The following CTBP2 variants were observed in gnomAD, a reference collection of about 807,000 sequenced individuals.
CTBP2 encodes the protein C-terminal-binding protein 2.
In CTBP2, 30 loss-of-function variants were observed where a neutral mutation model predicts 80.3. That is an observed-to-expected ratio of 0.37 (90% confidence interval 0.28 to 0.51). The LOEUF is 0.51. Ranked by LOEUF, CTBP2 falls within the 20% of genes least tolerant of loss-of-function variation. The probability of loss-of-function intolerance (pLI) is 0.93; values close to 1 mark genes in which losing one functional copy is unlikely to be tolerated. For missense variants in CTBP2, 1,212 were observed against 1,375.3 expected, an observed-to-expected ratio of 0.88 and a Z score of 1.88; for synonymous variants, 594 against 587.4, an observed-to-expected ratio of 1.01 and a Z score of -0.16.
At chr10:125,011,021 T>TTC (rs1327531221) in intron 1 of CTBP2, among the ~76,000 whole-genome samples, 12 of 152,208 alleles carry the variant, frequency 7.9e-5, no homozygotes, top group African/African-American at 2.7e-4. Context: ...TGGCAAAGGT[T>TTC]TCATGTGAAT....
chr10:125,117,098 C>T (rs1230105004), intron 1 of CTBP2, among the ~76,000 whole-genome samples: 5 of 152,230 alleles, frequency 3.3e-5, no homozygotes, highest in Admixed American at 1.3e-4. Flanking sequence ...TGTGTGAACA[C>T]GGGCCACACC....
chr10:125,010,505 C>G (rs1955754755), intron 1 of CTBP2, among the ~76,000 whole-genome samples: 2 of 152,222 alleles, frequency 1.3e-5, no homozygotes, highest in Admixed American at 1.3e-4. Flanking sequence ...CTCATGTGCA[C>G]ACTCCTCCTC....
chr10:125,110,777 C>T (rs893387406), intron 2 of CTBP2, among the ~76,000 whole-genome samples: 1 of 152,160 alleles, frequency 6.6e-6, no homozygotes, highest in African/African-American at 2.4e-5. Context: ...AACTATATTG[C>T]TTCAGAGTTA....
Position 125,079,692 on chromosome 10 carries a change from T to C in CTBP2, c.-102+31298A>G, listed in dbSNP as rs79401054. On this transcript the variant is annotated intron_variant, in intron 2 of 10. Coordinates refer to the CTBP2 transcript ENST00000337195. ...AATAACCTATTCCCACAGGAAAATGTATTGTCATTGACAATAGAAGACCAA... is the reference window on the plus strand; with the variant it reads ...AATAACCTATTCCCACAGGAAAATGCATTGTCATTGACAATAGAAGACCAA... 5.6e-4 allele frequency among the ~76,000 whole-genome samples: 85 copies of C among 152,374 alleles called. 2 individuals carry two copies. The East Asian group carries it at 0.016, about 29-fold the overall frequency.
Position 125,027,609 on chromosome 10 carries a change from A to G in CTBP2, c.151T>C (p.Phe51Leu). ...TCCTGTGGTCGGTGGTTTGGCTCAA[A>G]CCAAGTCCCCTCTGCTGTGCCATAC... is the stretch of plus-strand genomic sequence containing the variant. Residue 51 changes from phenylalanine (F) to leucine (L), a missense_variant, in exon 1 of 9, where the codon TTT becomes CTT. Transcript: ENST00000309035. 6.2e-7 allele frequency: 1 copy of G among 1,613,990 alleles called. No individual in the cohort carries two copies. The highest frequency in any genetic ancestry group is 8.5e-7 in the Non-Finnish European group (1 of 1,179,998).
At chr10:124,999,847 T>C (rs1261077683) in intron 3 of CTBP2, 1 of 152,210 alleles carries the variant, frequency 6.6e-6, no homozygotes, top group African/African-American at 2.4e-5. Flanking sequence ...GCTGGGACAA[T>C]TTTCATTCCT....
upstream of CTBP2, among the ~76,000 whole-genome samples, chr10:125,030,356 A>G (rs1958051559): frequency 6.6e-6 from 1 of 152,162 alleles, no homozygotes; most frequent in Non-Finnish European, 1.5e-5. Flanking sequence ...TCGGGGAGAG[A>G]GGCGATGTCC....
Position 125,026,310 on chromosome 10 carries a change from A to G in CTBP2, c.1450T>C (p.Tyr484His). 1 of 1,613,938 alleles carries G rather than the reference A, an allele frequency of 6.2e-7. No individual in the cohort carries two copies. Among genetic ancestry groups the G allele is most frequent in the African/African-American group, 1.3e-5 (1 of 75,048 alleles). ...TTTAGCAGCTCCATGGGCACCGTGT[A>G]TGCCGTGGAGTAGGCTGTTCTGGGG... The change falls in exon 1 of 9, where the codon TAC (tyrosine) becomes CAC (histidine). Residue 484 changes from tyrosine to histidine, a missense_variant. By Grantham distance (83) the Tyr-to-His change is moderately conservative. This residue lies in a region of CTBP2 where 848 missense variants were observed against 782.3 expected (regional missense o/e 1.08). Transcript: ENST00000309035.
intron 1 of CTBP2, among the ~76,000 whole-genome samples, chr10:125,156,790 CTT>C (rs1860994912): frequency 6.6e-6 from 1 of 152,178 alleles, no homozygotes; most frequent in Admixed American, 6.5e-5. Context: ...TTTAATCTCT[CTT>C]TGAAACATTT....
At chr10:125,152,197 G>A (rs927593381) in intron 1 of CTBP2, among the ~76,000 whole-genome samples, 14 of 152,160 alleles carry the variant, frequency 9.2e-5, no homozygotes, top group African/African-American at 2.9e-4. Flanking sequence ...GGGATGGAGG[G>A]GGCTTCACCT....
rs928236642 is a variant in CTBP2 at position 125,126,450 on chromosome 10, A to G, written c.-205-15357T>C. Among the ~76,000 whole-genome samples the G allele has an allele frequency of 2.0e-5, 3 of 152,170 alleles. No homozygotes were observed. The East Asian group carries it at 5.8e-4, about 29-fold the overall frequency. Reference sequence around the variant, plus strand: ...GGGTGCTGAACTCCGTTCCTAGCGTATGGATAGGAAGCACCAGAAAATGCC... The same window carrying G: ...GGGTGCTGAACTCCGTTCCTAGCGTGTGGATAGGAAGCACCAGAAAATGCC... On this transcript the variant is annotated intron_variant, in intron 1 of 10. Coordinates refer to the CTBP2 transcript ENST00000337195.
intron 1 of CTBP2, among the ~76,000 whole-genome samples, chr10:125,159,543 C>T (rs1295175438): frequency 6.7e-5 from 10 of 149,604 alleles, no homozygotes; most frequent in Non-Finnish European, 1.5e-4. Context: ...CCGGAGGAGC[C>T]AACAATGCGG....
intron 1 of CTBP2, among the ~76,000 whole-genome samples, chr10:125,117,289 T>C (rs955853909): frequency 4.6e-5 from 7 of 152,248 alleles, no homozygotes; most frequent in Middle Eastern, 3.4e-3. Flanking sequence ...TCCTGGGGGC[T>C]GCTGGGGGTA....
chr10:125,147,512 TGAGA>T (rs1250461072), intron 1 of CTBP2, among the ~76,000 whole-genome samples: 2 of 152,130 alleles, frequency 1.3e-5, no homozygotes, highest in East Asian at 1.9e-4. Context: ...CAGGAATCAA[TGAGA>T]AAGAAGACGG....
chr10:125,080,863 G>A (rs774696329), intron 2 of CTBP2, among the ~76,000 whole-genome samples: 4 of 151,410 alleles, frequency 2.6e-5, no homozygotes, highest in South Asian at 4.2e-4. Context: ...CTGCACATGC[G>A]TCACCTCCAC....
At chr10:125,010,219 T>TAAAAAAAAAAAAAAAAAAAAAAAAAA (rs59517853) in intron 1 of CTBP2, among the ~76,000 whole-genome samples, 1 of 105,988 alleles carries the variant, frequency 9.4e-6, no homozygotes, top group Non-Finnish European at 1.8e-5. Flanking sequence ...ATTTTAAGGT[T>TAAAAAAAAAAAAAAAAAAAAAAAAAA]AAAAAAAAAA....
chr10:124,998,356 C>A (rs1487411271), intron 3 of CTBP2, 186 bp from the exon 6 acceptor site: 2 of 639,160 alleles, frequency 3.1e-6, no homozygotes, highest in Non-Finnish European at 2.7e-6. Context: ...ATGGGAAGCT[C>A]TAGCCCCAAC....
At chr10:125,154,690 A>G (rs1860611437) in intron 1 of CTBP2, among the ~76,000 whole-genome samples, 1 of 152,220 alleles carries the variant, frequency 6.6e-6, no homozygotes, top group South Asian at 2.1e-4. Flanking sequence ...AACAATGGTT[A>G]ATGATCTACA....
intron 1 of CTBP2, among the ~76,000 whole-genome samples, chr10:125,117,522 C>T (rs1398945503): frequency 1.3e-5 from 2 of 152,188 alleles, no homozygotes; most frequent in Non-Finnish European, 2.9e-5. Context: ...GACAAACCCA[C>T]CCTGAGAAAG....
Sources: gnomAD v4.1 joint callset for allele counts (sites outside exome capture counted in the v4.1 genomes callset) on GRCh38, gnomAD v4.1.1 for gene constraint, gnomAD v4.1.1 regional missense constraint, MANE v1.5 for transcripts, NCBI Gene and HGNC (gene_info 2026-07-23, HGNC 2026-07-21) for gene names.